FCRL1: variants seen among roughly 807,000 people sequenced by gnomAD.
FCRL1 encodes Fc receptor like 1, also known as Fc receptor-like protein 1.
A neutral mutation model predicts 49.2 loss-of-function variants in FCRL1; 34 were observed. The ratio of observed to expected loss-of-function variants is 0.69; its 90% confidence interval spans 0.53 to 0.92. The LOEUF (loss-of-function observed/expected upper bound fraction) is 0.92. Ranked by LOEUF, FCRL1 falls within the 40% of genes least tolerant of loss-of-function variation. The pLI is 0.00. For missense variants in FCRL1, 524 were observed against 524.1 expected (o/e 1.00, Z 0.00); for synonymous variants, 218 against 201.6 (o/e 1.08, Z -0.69).
intron 1 of FCRL1, among the ~76,000 whole-genome samples, chr1:157,816,683 T>C (rs933848643): frequency 2.0e-5 from 3 of 151,730 alleles, no homozygotes; most frequent in Non-Finnish European, 4.4e-5. Context: ...ATCTTATATA[T>C]AGAAAACTCT....
intron 1 of FCRL1, among the ~76,000 whole-genome samples, chr1:157,818,965 A>C (rs1440707350): frequency 2.6e-5 from 4 of 152,322 alleles, no homozygotes; most frequent in Non-Finnish European, 4.4e-5. Flanking sequence ...GCACAAGTGG[A>C]GAGTCTTGTC....
chr1:157,812,610 T>C (rs1283960921), intron 1 of FCRL1, among the ~76,000 whole-genome samples: 1 of 152,088 alleles, frequency 6.6e-6, no homozygotes, highest in Non-Finnish European at 1.5e-5. Flanking sequence ...ACCTTGCCTG[T>C]TGGGCCTGAG....
chr1:157,804,110 C>T lies in FCRL1; in HGVS notation c.54G>A (p.Glu18=). 1 of 1,613,534 alleles carries T rather than the reference C, an allele frequency of 6.2e-7. No individual in the cohort carries two copies. The highest frequency in any genetic ancestry group is 8.5e-7 in the Non-Finnish European group (1 of 1,179,782). The change falls in exon 3 of 11, where the codon GAG becomes GAA. Residue 18 remains glutamate, a splice_region_variant and synonymous_variant. Coordinates refer to ENST00000368176, the MANE Select transcript of FCRL1 (RefSeq NM_052938.5). ...GGGAGGGGCTGGCTATCAAAAACAG[C>T]TCTAGAGAGAGGAATTAAACACAAA... ...LICAPLCEPA[E]LFLIASPSHP... is the part of the protein sequence containing the mutation.
intron 1 of FCRL1, among the ~76,000 whole-genome samples, chr1:157,814,426 C>T (rs1654757940): frequency 6.6e-6 from 1 of 151,658 alleles, no homozygotes; most frequent in African/African-American, 2.4e-5. Flanking sequence ...TTTATATAAG[C>T]CTCATGGTAA....
At chr1:157,800,974 C>T (rs954291948) in intron 6 of FCRL1, among the ~76,000 whole-genome samples, 1 of 152,112 alleles carries the variant, frequency 6.6e-6, no homozygotes, top group Non-Finnish European at 1.5e-5. Flanking sequence ...TCACTGCAAC[C>T]TCCAACTCCC....
chr1:157,806,153 G>T (rs1571377167), intron 2 of FCRL1, among the ~76,000 whole-genome samples: 1 of 152,252 alleles, frequency 6.6e-6, no homozygotes, highest in African/African-American at 2.4e-5. Flanking sequence ...TGGGTTTAGG[G>T]GTAAAGATGA....
intron 1 of FCRL1, among the ~76,000 whole-genome samples, chr1:157,815,725 A>T (rs1187205981): frequency 6.6e-6 from 1 of 151,728 alleles, no homozygotes; most frequent in Admixed American, 6.5e-5. Flanking sequence ...AAGAAAAAGG[A>T]GAGAAAATTC....
intron 7 of FCRL1, among the ~76,000 whole-genome samples, chr1:157,799,642 G>C (rs1652098244): frequency 6.6e-6 from 1 of 152,054 alleles, no homozygotes; most frequent in African/African-American, 2.4e-5. Context: ...GACTGTTGTG[G>C]GGTGCGGGGG....
chr1:157,819,296 T>TA (rs1557931088), intron 1 of FCRL1, among the ~76,000 whole-genome samples: 1 of 125,840 alleles, frequency 7.9e-6, no homozygotes, highest in Non-Finnish European at 1.8e-5. Flanking sequence ...GGTTGTGCAT[T>TA]TAAAAAAAAA....
intron 1 of FCRL1, among the ~76,000 whole-genome samples, chr1:157,810,340 A>G (rs555418403): frequency 3.3e-5 from 5 of 150,068 alleles, no homozygotes; most frequent in African/African-American, 1.2e-4. Flanking sequence ...TCTGCCACCC[A>G]GGCTGGAATG....
chr1:157,794,975 C>A lies in FCRL1; in HGVS notation c.*1124G>T, dbSNP rs1257389716. On this transcript the variant is annotated 3_prime_UTR_variant, in exon 11 of 11. Transcript: ENST00000368176. ...TTACATGTATGCATAAGTATACATA[C>A]AAAAATAGAAAAATATCTAGAGAGC... 6.6e-6 allele frequency: 1 copy of A among 151,990 alleles called. No homozygotes were observed. The highest frequency in any genetic ancestry group is 1.5e-5 in the Non-Finnish European group (1 of 67,972). The allele number at this position is 151,990 out of a possible 1,614,324, so 9.4% of individuals were successfully genotyped here.
chr1:157,818,550 T>C (rs761758384), intron 1 of FCRL1, among the ~76,000 whole-genome samples: 11 of 151,956 alleles, frequency 7.2e-5, no homozygotes, highest in Admixed American at 2.0e-4. Context: ...GGATATATAA[T>C]TACAGTTAGA....
intron 7 of FCRL1, 50 bp downstream of exon 7, chr1:157,800,008 A>T: frequency 6.4e-7 from 1 of 1,553,166 alleles, no homozygotes; most frequent in Non-Finnish European, 8.8e-7. Flanking sequence ...ATCTATTTTT[A>T]AAATAGATTT....
rs1292683531 is a variant in FCRL1, at chr1:157,794,595, T to C, written c.*1504A>G. The C allele has an allele frequency of 6.6e-6, 1 of 152,210 alleles. No individual in the cohort carries two copies. The highest frequency in any genetic ancestry group is 1.5e-5 in the Non-Finnish European group (1 of 68,040). 9.4% of individuals were successfully genotyped at this position (152,210 alleles called of 1,614,324 possible). ...TAGCAATACTAGATTTACAAATTTATCCTTCAGATAATCCAGCAGGAGTGC... is the reference window on the plus strand; with the variant it reads ...TAGCAATACTAGATTTACAAATTTACCCTTCAGATAATCCAGCAGGAGTGC... On this transcript the variant is annotated 3_prime_UTR_variant, in exon 11 of 11. Coordinates refer to ENST00000368176, the MANE Select transcript of FCRL1 (RefSeq NM_052938.5).
intron 6 of FCRL1, among the ~76,000 whole-genome samples, chr1:157,800,822 G>A (rs888328548): frequency 1.3e-5 from 2 of 152,078 alleles, no homozygotes; most frequent in East Asian, 1.9e-4. Flanking sequence ...TTAGTACTGC[G>A]ATATAGTCAG....
rs1182527827 is a variant in FCRL1, at chr1:157,801,652, G to C, written c.887-75C>G. ...TTAGAGAGCAGACATCTTGGGTGTG[G>C]GTTGTGCCCAAGGTCTGCTCTTCCA... On this transcript the variant is annotated intron_variant, in intron 5 of 10. Coordinates refer to ENST00000368176, the MANE Select transcript of FCRL1 (RefSeq NM_052938.5). The C allele has an allele frequency of 9.2e-6, 10 of 1,088,574 alleles. No homozygotes were observed. The Admixed American group carries it at 1.5e-4, about 16-fold the overall frequency. 67.4% of individuals were successfully genotyped at this position (1,088,574 alleles called of 1,614,324 possible).
At chr1:157,808,088 T>A (rs1385766689) in intron 1 of FCRL1, among the ~76,000 whole-genome samples, 2 of 152,210 alleles carry the variant, frequency 1.3e-5, no homozygotes, top group Non-Finnish European at 2.9e-5. Context: ...AAAGTGTCAA[T>A]AGGAGAGAGC....
At chr1:157,804,144 G>A (rs781094769) in intron 2 of FCRL1, 33 bp from the exon 3 acceptor site, 1 of 1,603,530 alleles carries the variant, frequency 6.2e-7, no homozygotes, top group South Asian at 1.1e-5. Flanking sequence ...AATGATTAAT[G>A]CGGTTCGGAA....
chr1:157,801,176 C>T (rs1294180953), intron 6 of FCRL1, among the ~76,000 whole-genome samples: 1 of 152,154 alleles, frequency 6.6e-6, no homozygotes, highest in Non-Finnish European at 1.5e-5. Flanking sequence ...AGGCGTGAGC[C>T]ACCGCCCCCG....
Sources: allele counts gnomAD v4.1 joint callset (sites outside exome capture counted in the v4.1 genomes callset), GRCh38; gene constraint gnomAD v4.1.1; transcripts MANE v1.5; gene names NCBI Gene and HGNC (gene_info 2026-07-23, HGNC 2026-07-21).